The following NUDT19 variants were observed in gnomAD, a reference collection of about 807,000 sequenced individuals.
The protein encoded by NUDT19 is nudix hydrolase 19, also known as acyl-coenzyme A diphosphatase NUDT19.
NUDT19 carries 31 observed loss-of-function variants against 22.2 expected under a neutral mutation model. The ratio of observed to expected loss-of-function variants is 1.40; its 90% CI spans 1.05 to 1.89. The LOEUF is 1.89. Ranked by LOEUF, NUDT19 falls within the 40% of genes most tolerant of loss-of-function variation. NUDT19 has a pLI of 0.00. For synonymous variants in NUDT19, 325 were observed against 230.8 expected, an observed-to-expected ratio of 1.41 and a Z score of -3.70; for missense variants, 752 against 514.2, an observed-to-expected ratio of 1.46 and a Z score of -4.47.
chr19:32,696,380 A>G (rs1053253063), intron 1 of NUDT19, among the ~76,000 whole-genome samples: 8 of 132,842 alleles, frequency 6.0e-5, no homozygotes, highest in African/African-American at 2.1e-4. Context: ...TTGCTACTGT[A>G]TCAGTTTCCT....
Position 32,699,342 on chromosome 19 carries a change from T to C in NUDT19, c.714+6668T>C, listed in dbSNP as rs955107248. Among the ~76,000 whole-genome samples the C allele has an allele frequency of 8.5e-5, 13 of 152,322 alleles. No individual in the cohort carries two copies. The South Asian group carries it at 1.7e-3, about 19-fold the overall frequency. ...GGTCAGGATAGATAGGATAGATGGG[T>C]GAGTCTCGCCTGTGCGACGTGACTT... On this transcript the variant is annotated intron_variant, in intron 1 of 2. Coordinates refer to ENST00000397061, the MANE Select transcript of NUDT19 (RefSeq NM_001105570.2).
At chr19:32,707,787 G>A (rs1336893248) in intron 1 of NUDT19, among the ~76,000 whole-genome samples, 3 of 151,968 alleles carry the variant, frequency 2.0e-5, no homozygotes, top group Non-Finnish European at 2.9e-5. Flanking sequence ...GACCATCCTG[G>A]TGAACACGGT....
chr19:32,710,875 A>G (rs990253108), intron 2 of NUDT19, among the ~76,000 whole-genome samples: 10 of 149,648 alleles, frequency 6.7e-5, no homozygotes, highest in African/African-American at 2.5e-4. Context: ...CCTGGGCAAC[A>G]AGAGCGAAAC....
Position 32,713,709 on chromosome 19 carries a change from T to C in NUDT19, c.*1752T>C, listed in dbSNP as rs772330584. ...TTTGACTGTATCATGCATTGTACAA[T>C]TGATTTCATATTTTATGAAATGCCT... On this transcript the variant is annotated 3_prime_UTR_variant, in exon 3 of 3. Coordinates refer to ENST00000397061, the MANE Select transcript of NUDT19 (RefSeq NM_001105570.2). 11 of 152,206 alleles carry C rather than the reference T, an allele frequency of 7.2e-5. No homozygotes were observed. Among genetic ancestry groups the C allele is most frequent in the Non-Finnish European group, 1.5e-4 (10 of 68,032 alleles). The allele number at this position is 152,206 out of a possible 1,614,324, so 9.4% of individuals were successfully genotyped here.
chr19:32,699,801 G>A (rs779937214), intron 1 of NUDT19, among the ~76,000 whole-genome samples: 1 of 152,220 alleles, frequency 6.6e-6, no homozygotes. Flanking sequence ...CCCTTGCGGT[G>A]AGTGTTACAG....
chr19:32,692,498 C>CTT lies in NUDT19; in HGVS notation c.538_539insTT (p.Arg180LeufsTer86). 6.4e-7 allele frequency: 1 copy of CTT among 1,553,946 alleles called. No individual in the cohort carries two copies. Among genetic ancestry groups the CTT allele is most frequent in the African/African-American group, 1.4e-5 (1 of 71,196 alleles). Reference sequence around the variant, plus strand: ...GCGCCAGGACCCGCGCCACTTCCTGCGGCTGTGCGCCCACCTCGACTGCAC... The same window carrying CTT: ...GCGCCAGGACCCGCGCCACTTCCTGCTTGGCTGTGCGCCCACCTCGACTGCAC... On this transcript the variant is annotated frameshift_variant, in exon 1 of 3. Transcript: ENST00000397061. LOFTEE classifies it high-confidence loss of function.
intron 2 of NUDT19, among the ~76,000 whole-genome samples, chr19:32,710,171 C>T (rs1200703632): frequency 4.6e-5 from 7 of 151,400 alleles, no homozygotes; most frequent in Admixed American, 4.6e-4. Context: ...GCCACCACGC[C>T]TGGCTAATTT....
At chr19:32,705,434 A>C (rs1187401836) in intron 1 of NUDT19, among the ~76,000 whole-genome samples, 1 of 152,068 alleles carries the variant, frequency 6.6e-6, no homozygotes, top group Non-Finnish European at 1.5e-5. Context: ...AAAAAAAAAA[A>C]AGAAAAACAA....
rs891997083 is a variant in NUDT19 at position 32,692,022 on chromosome 19, C to A, written c.62C>A (p.Ala21Glu). Residue 21 changes from alanine (A) to glutamate (E), a missense_variant, in exon 1 of 3, where the codon GCG becomes GAG. Physicochemically the swap from Ala to Glu is moderately radical, Grantham distance 107. Coordinates refer to ENST00000397061, the MANE Select transcript of NUDT19 (RefSeq NM_001105570.2). Reference sequence around the variant, plus strand: ...CGGCGGGCGGCCAGCATCGTCCTGGCGGCTGGCTGGTCGCGCCCGGAGACC... The same window carrying A: ...CGGCGGGCGGCCAGCATCGTCCTGGAGGCTGGCTGGTCGCGCCCGGAGACC... ...RWRRAASIVL[A>E]AGWSRPETAT... 1,126 of 1,261,308 alleles carry A rather than the reference C, an allele frequency of 8.9e-4. 1 individual carries two copies. The highest frequency in any genetic ancestry group is 1.0e-3 in the Non-Finnish European group (1,044 of 1,008,158). 78.1% of individuals were successfully genotyped at this position (1,261,308 alleles called of 1,614,324 possible).
chr19:32,696,116 C>T (rs1035568085), intron 1 of NUDT19, among the ~76,000 whole-genome samples: 1 of 152,192 alleles, frequency 6.6e-6, no homozygotes, highest in East Asian at 1.9e-4. Flanking sequence ...TGACCCGCTC[C>T]CTATCCTCTG....
Position 32,692,238 on chromosome 19 carries a change from CG to C in NUDT19, c.280del (p.Ala94ArgfsTer29). The C allele has an allele frequency of 6.3e-7, 1 of 1,590,080 alleles. No individual in the cohort carries two copies. Among genetic ancestry groups the C allele is most frequent in the Non-Finnish European group, 8.5e-7 (1 of 1,176,692 alleles). On this transcript the variant is annotated frameshift_variant, in exon 1 of 3. Coordinates refer to ENST00000397061, the MANE Select transcript of NUDT19 (RefSeq NM_001105570.2). LOFTEE classifies it high-confidence loss of function. ...GGGCCGCCGCGCTTCGGCCTGGGCC[CG>C]GCGCCATTCAGCCGCACCGCTTTCC... ...HHGPPRFGLGPAPFSRTAFPS... is the reference protein window; with the variant it reads ...HHGPPRFGLGXAPFSRTAFPS...
intron 1 of NUDT19, among the ~76,000 whole-genome samples, chr19:32,696,978 T>C (rs1478571622): frequency 1.3e-5 from 2 of 152,140 alleles, no homozygotes. Context: ...ACCTTTGTCC[T>C]CTGGGGCAGT....
chr19:32,701,068 T>G (rs1303015812), intron 1 of NUDT19, among the ~76,000 whole-genome samples: 1 of 151,912 alleles, frequency 6.6e-6, no homozygotes, highest in East Asian at 1.9e-4. Context: ...TTGAGACTTG[T>G]TTTATGGCCA....
chr19:32,710,111 A>G (rs1968429894), intron 2 of NUDT19, among the ~76,000 whole-genome samples: 1 of 151,714 alleles, frequency 6.6e-6, no homozygotes, highest in African/African-American at 2.4e-5. Flanking sequence ...TCCTGGGTTC[A>G]AGCGATACTT....
chr19:32,693,468 G>A (rs1968227372), intron 1 of NUDT19, among the ~76,000 whole-genome samples: 1 of 152,226 alleles, frequency 6.6e-6, no homozygotes, highest in South Asian at 2.1e-4. Flanking sequence ...GCAGCAGCAA[G>A]ATTTATTGCA....
At chr19:32,705,594 T>C (rs1968379734) in intron 1 of NUDT19, among the ~76,000 whole-genome samples, 1 of 151,538 alleles carries the variant, frequency 6.6e-6, no homozygotes. Flanking sequence ...GCACTTTTTT[T>C]TTTTTTTTGA....
chr19:32,699,109 T>C (rs1968301333), intron 1 of NUDT19, among the ~76,000 whole-genome samples: 1 of 152,170 alleles, frequency 6.6e-6, no homozygotes, highest in Admixed American at 6.5e-5. Flanking sequence ...CCCCCTACGA[T>C]GGGGCTTTGA....
chr19:32,695,647 C>T (rs765818386), intron 1 of NUDT19, among the ~76,000 whole-genome samples: 1 of 152,108 alleles, frequency 6.6e-6, no homozygotes, highest in Non-Finnish European at 1.5e-5. Flanking sequence ...GCCGTTCTCC[C>T]TTCTCCTTCC....
At chr19:32,693,513 G>A (rs1968228500) in intron 1 of NUDT19, among the ~76,000 whole-genome samples, 1 of 152,204 alleles carries the variant, frequency 6.6e-6, no homozygotes, top group Admixed American at 6.5e-5. Context: ...CAGCGGAAGG[G>A]GATCAGAGCA....
Sources: allele counts gnomAD v4.1 joint callset (sites outside exome capture counted in the v4.1 genomes callset), GRCh38; gene constraint gnomAD v4.1.1; transcripts MANE v1.5; gene names NCBI Gene and HGNC (gene_info 2026-07-23, HGNC 2026-07-21).